KCNE4: variants seen among roughly 807,000 people sequenced by gnomAD.
KCNE4 encodes potassium voltage-gated channel subfamily E member 4.
In KCNE4, 6 loss-of-function variants were observed where a neutral mutation model predicts 9.2. That is an observed-to-expected ratio of 0.65 (90% CI 0.36 to 1.29). The LOEUF is 1.29. Among genes scored for constraint, KCNE4 ranks in the 50% most tolerant of loss-of-function variants. The probability of loss-of-function intolerance (pLI) is 0.03; values close to 1 mark genes in which losing one functional copy is unlikely to be tolerated. For missense variants in KCNE4, 222 were observed against 228.8 expected (o/e 0.97, Z 0.19); for synonymous variants, 115 against 103.2 (o/e 1.11, Z -0.70).
rs1378312535 is a variant in KCNE4 at position 223,055,466 on chromosome 2, C to T, written c.*2123C>T. ...CTTGTCACATTTTCCATTGCTTAAT[C>T]CTGAAGTTTGGTGCAAGTCTCTCTG... On this transcript the variant is annotated 3_prime_UTR_variant, in exon 2 of 2. Transcript: ENST00000281830. The T allele has an allele frequency of 1.0e-4, 17 of 167,028 alleles. No homozygotes were observed. Among genetic ancestry groups the T allele is most frequent in the African/African-American group, 4.1e-4 (17 of 41,428 alleles). 10.3% of individuals were successfully genotyped at this position (167,028 alleles called of 1,614,324 possible). A position where few individuals can be genotyped will look rare whatever the true frequency, so the allele number is the denominator to read the frequency against.
chr2:223,053,081 T>A lies in KCNE4; in HGVS notation c.251T>A (p.Met84Lys). The A allele has an allele frequency of 1.9e-6, 3 of 1,613,970 alleles. No homozygotes were observed. Among genetic ancestry groups the A allele is most frequent in the Non-Finnish European group, 2.5e-6 (3 of 1,179,974 alleles). ...KDEERLWGEA[M>K]KPLPVVSGLR... ...GAGGAGCGGCTCTGGGGGGAGGCCA[T>A]GAAGCCGCTGCCTGTGGTGTCGGGC... The change falls in exon 2 of 2, where the codon ATG becomes AAG. Residue 84 changes from methionine to lysine, a missense_variant. Met to Lys is a moderately conservative substitution (Grantham distance 95). Coordinates refer to ENST00000281830, the MANE Select transcript of KCNE4 (RefSeq NM_080671.4). This position sits in a 1 kb window ranked among gnomAD's most constrained non-coding sequence, Gnocchi z 4.1.
chr2:223,052,804 C>G lies in KCNE4; in HGVS notation c.-23-4C>G, dbSNP rs1559332242. 1 of 1,606,390 alleles carries G rather than the reference C, an allele frequency of 6.2e-7. No homozygotes were observed. Among genetic ancestry groups the G allele is most frequent in the Non-Finnish European group, 8.5e-7 (1 of 1,179,878 alleles). On this transcript the variant is annotated splice_region_variant and splice_polypyrimidine_tract_variant and intron_variant, in intron 1 of 1. Coordinates refer to ENST00000281830, the MANE Select transcript of KCNE4 (RefSeq NM_080671.4). Reference sequence around the variant, plus strand: ...AGAGTTCTAACCTGCGGCTTTTTCCCCAGCCCCTGCTGTGGAGGCAGCCTC... The same window carrying G: ...AGAGTTCTAACCTGCGGCTTTTTCCGCAGCCCCTGCTGTGGAGGCAGCCTC...
rs1344658408 is a variant in KCNE4, at chr2:223,055,096, G to A, written c.*1753G>A. 1.2e-5 allele frequency: 2 copies of A among 160,562 alleles called. No homozygotes were observed. Among genetic ancestry groups the A allele is most frequent in the African/African-American group, 4.9e-5 (2 of 41,138 alleles). 9.9% of individuals were successfully genotyped at this position (160,562 alleles called of 1,614,324 possible). On this transcript the variant is annotated 3_prime_UTR_variant, in exon 2 of 2. Coordinates refer to ENST00000281830, the MANE Select transcript of KCNE4 (RefSeq NM_080671.4). ...TGGTCTCAAACTCCTGGCCTTAAAT[G>A]ATCCTCCCACCTCGGCCTCCCAAAG...
chr2:223,053,436 C>G lies in KCNE4; in HGVS notation c.*93C>G. 1.6e-6 allele frequency: 2 copies of G among 1,289,190 alleles called. No individual in the cohort carries two copies. Among genetic ancestry groups the G allele is most frequent in the Non-Finnish European group, 1.1e-6 (1 of 908,426 alleles). The allele number at this position is 1,289,190 out of a possible 1,614,324, so 79.9% of individuals were successfully genotyped here. ...AGTGTCTGGTTTCACTTTCACAGTG[C>G]GGCTGCCACTTTGAAGAGACCCTTG... On this transcript the variant is annotated 3_prime_UTR_variant, in exon 2 of 2. Transcript: ENST00000281830. The surrounding 1 kb of genome is among the most constrained non-coding windows in gnomAD (Gnocchi z 4.1).
chr2:223,052,981 A>C lies in KCNE4; in HGVS notation c.151A>C (p.Ile51Leu). The change falls in exon 2 of 2, where the codon ATC becomes CTC. Residue 51 changes from isoleucine to leucine, a missense_variant. Physicochemically the swap from Ile to Leu is conservative, Grantham distance 5 (BLOSUM62 2). Transcript: ENST00000281830. ...VVMSFYGIFLIGIMLGYMKSK... is the reference protein window; with the variant it reads ...VVMSFYGIFLLGIMLGYMKSK... ...CATGTCCTTCTACGGCATTTTCTTG[A>C]TCGGAATCATGCTGGGCTACATGAA... The C allele has an allele frequency of 1.2e-6, 2 of 1,614,186 alleles. No homozygotes were observed. The highest frequency in any genetic ancestry group is 1.7e-6 in the Non-Finnish European group (2 of 1,180,020).
intron 1 of KCNE4, among the ~76,000 whole-genome samples, 179 bp downstream of exon 1, chr2:223,052,453 C>G (rs1698707130): frequency 6.6e-6 from 1 of 151,038 alleles, no homozygotes; most frequent in African/African-American, 2.4e-5. Flanking sequence ...TGTTTCTGCT[C>G]AGTTAAAATA....
In KCNE4 at chr2:223,053,575, T is replaced by C; in HGVS notation, c.*232T>C. On this transcript the variant is annotated 3_prime_UTR_variant, in exon 2 of 2. Transcript: ENST00000281830. This position sits in a 1 kb window ranked among gnomAD's most constrained non-coding sequence, Gnocchi z 4.1. The stretch of plus-strand genomic sequence containing the variant: ...CCCACCACTGAAAAAGCCGCGGAGA[T>C]GCGCAGCGCGTACACTGACTTTGGG... The C allele has an allele frequency of 1.7e-6, 1 of 583,320 alleles. No homozygotes were observed. Among genetic ancestry groups the C allele is most frequent in the Non-Finnish European group, 3.2e-6 (1 of 316,800 alleles). The allele number at this position is 583,320 out of a possible 1,614,324, so 36.1% of individuals were successfully genotyped here. A position where few individuals can be genotyped will look rare whatever the true frequency, so the allele number is the denominator to read the frequency against.
In KCNE4 at chr2:223,052,972, A is replaced by G. The variant is rs1559332333; in HGVS notation, c.142A>G (p.Ile48Val). The change falls in exon 2 of 2, where the codon ATT (isoleucine) becomes GTT (valine). Residue 48 changes from isoleucine to valine, a missense_variant. Coordinates refer to ENST00000281830, the MANE Select transcript of KCNE4 (RefSeq NM_080671.4). ...TCTGGTTGTCATGTCCTTCTACGGC[A>G]TTTTCTTGATCGGAATCATGCTGGG... The part of the protein sequence containing the change: ...YILVVMSFYG[I>V]FLIGIMLGYM... 1.9e-6 allele frequency: 3 copies of G among 1,614,162 alleles called. No homozygotes were observed. Among genetic ancestry groups the G allele is most frequent in the Admixed American group, 1.7e-5 (1 of 60,030 alleles).
Position 223,053,166 on chromosome 2 carries a change from G to T in KCNE4, c.336G>T (p.Ala112=), listed in dbSNP as rs748611835. 6.2e-7 allele frequency: 1 copy of T among 1,611,094 alleles called. No homozygotes were observed. The highest frequency in any genetic ancestry group is 8.5e-7 in the Non-Finnish European group (1 of 1,178,034). Residue 112 remains alanine, a synonymous_variant, in exon 2 of 2, where the codon GCG becomes GCT. Coordinates refer to ENST00000281830, the MANE Select transcript of KCNE4 (RefSeq NM_080671.4). This position sits in a 1 kb window ranked among gnomAD's most constrained non-coding sequence, Gnocchi z 4.1. ...LNMLQESVAP[A]LSCTLCSMEG... ...TGCTGCAGGAGAGCGTGGCGCCCGC[G>T]CTGTCCTGCACCCTCTGTTCCATGG...
In KCNE4 at chr2:223,053,301, G is replaced by A. The variant is rs17221840; in HGVS notation, c.471G>A (p.Glu157=). The change falls in exon 2 of 2, where the codon GAG becomes GAA. Residue 157 remains glutamate, a synonymous_variant. Coordinates refer to ENST00000281830, the MANE Select transcript of KCNE4 (RefSeq NM_080671.4). The surrounding 1 kb of genome is among the most constrained non-coding windows in gnomAD (Gnocchi z 4.1). ...LEETSETPLN[E]SSEGSSENIH... Reference sequence around the variant, plus strand: ...AGACCTCGGAGACGCCCCTCAACGAGAGCAGCGAAGGGTCCTCGGAGAACA... The same window carrying A: ...AGACCTCGGAGACGCCCCTCAACGAAAGCAGCGAAGGGTCCTCGGAGAACA... The A allele has an allele frequency of 0.031, 49,353 of 1,613,910 alleles. 915 individuals are homozygous for A. The highest frequency in any genetic ancestry group is 0.035 in the Middle Eastern group (211 of 6,062).
rs1199356397 is a variant in KCNE4 at position 223,054,415 on chromosome 2, G to A, written c.*1072G>A. ...GATCTCCATCCCCAGGGGGTTGGGA[G>A]GATGTCTTTAGATTTTAGGACTCTG... On this transcript the variant is annotated 3_prime_UTR_variant, in exon 2 of 2. Coordinates refer to ENST00000281830, the MANE Select transcript of KCNE4 (RefSeq NM_080671.4). 1 of 167,106 alleles carries A rather than the reference G, an allele frequency of 6.0e-6. No individual in the cohort carries two copies. The highest frequency in any genetic ancestry group is 1.5e-5 in the Non-Finnish European group (1 of 68,126). The allele number at this position is 167,106 out of a possible 1,614,324, so 10.4% of individuals were successfully genotyped here. A position where few individuals can be genotyped will look rare whatever the true frequency, so the allele number is the denominator to read the frequency against.
chr2:223,053,273 A>T lies in KCNE4; in HGVS notation c.443A>T (p.Glu148Val). Residue 148 changes from glutamate to valine, a missense_variant, in exon 2 of 2, where the codon GAG becomes GTG. Transcript: ENST00000281830. This position sits in a 1 kb window ranked among gnomAD's most constrained non-coding sequence, Gnocchi z 4.1. ...IQEEGADDEL[E>V]ETSETPLNES... ...GAGGAGGGGGCAGACGATGAGCTGG[A>T]GGAGACCTCGGAGACGCCCCTCAAC... 6.2e-7 allele frequency: 1 copy of T among 1,613,986 alleles called. No homozygotes were observed. Among genetic ancestry groups the T allele is most frequent in the Non-Finnish European group, 8.5e-7 (1 of 1,180,002 alleles).
chr2:223,052,700 A>G, intron 1 of KCNE4, 108 bp from the exon 2 acceptor site: 1 of 1,251,728 alleles, frequency 8.0e-7, no homozygotes, highest in Non-Finnish European at 1.1e-6. Flanking sequence ...TATTTCTTTC[A>G]TGCACTTTTA....
chr2:223,054,288 G>T lies in KCNE4; in HGVS notation c.*945G>T, dbSNP rs1482643602. 1.2e-5 allele frequency: 2 copies of T among 167,074 alleles called. No individual in the cohort carries two copies. The highest frequency in any genetic ancestry group is 2.9e-5 in the Non-Finnish European group (2 of 68,142). The allele number at this position is 167,074 out of a possible 1,614,324, so 10.3% of individuals were successfully genotyped here. On this transcript the variant is annotated 3_prime_UTR_variant, in exon 2 of 2. Transcript: ENST00000281830. ...TCAGGCGGAGATTGCACAAAGCTGG[G>T]CTCCAAGTTCTGTGCTTCCTGATCC...
At chr2:223,052,571 TAA>T (rs71906281) in intron 1 of KCNE4, among the ~76,000 whole-genome samples, 2 of 131,982 alleles carry the variant, frequency 1.5e-5, no homozygotes. Context: ...ATGTGTACAC[TAA>T]AAAAAAAAAA....
rs1240124697 is a variant in KCNE4, at chr2:223,052,886, G to A, written c.56G>A (p.Ser19Asn). ...CACCCCGGCACCGCCGCCTCCAGCA[G>A]CCCCCTGGAGTCCCGTGCGGCCGGC... ...STHPGTAASS[S>N]PLESRAAGGG... Residue 19 changes from serine to asparagine, a missense_variant, in exon 2 of 2, where the codon AGC becomes AAC. Coordinates refer to ENST00000281830, the MANE Select transcript of KCNE4 (RefSeq NM_080671.4). 6.2e-7 allele frequency: 1 copy of A among 1,613,802 alleles called. No homozygotes were observed. The highest frequency in any genetic ancestry group is 2.2e-5 in the East Asian group (1 of 44,878).
Position 223,052,210 on chromosome 2 carries a change from G to A in KCNE4, c.-88G>A. 8.1e-7 allele frequency: 1 copy of A among 1,233,862 alleles called. No homozygotes were observed. Among genetic ancestry groups the A allele is most frequent in the Non-Finnish European group, 1.0e-6 (1 of 989,238 alleles). The allele number at this position is 1,233,862 out of a possible 1,614,324, so 76.4% of individuals were successfully genotyped here. A position where few individuals can be genotyped will look rare whatever the true frequency, so the allele number is the denominator to read the frequency against. On this transcript the variant is annotated 5_prime_UTR_variant, in exon 1 of 2. Transcript: ENST00000281830. The stretch of plus-strand genomic sequence containing the variant: ...TTGTCAGAGCGCAGAGCCGGACAGA[G>A]CAGAAGAACCCTCTTGGACTGGACG...
Position 223,053,560 on chromosome 2 carries a change from A to G in KCNE4, c.*217A>G. 1 of 603,402 alleles carries G rather than the reference A, an allele frequency of 1.7e-6. No individual in the cohort carries two copies. Among genetic ancestry groups the G allele is most frequent in the Non-Finnish European group, 3.0e-6 (1 of 330,214 alleles). 37.4% of individuals were successfully genotyped at this position (603,402 alleles called of 1,614,324 possible). On this transcript the variant is annotated 3_prime_UTR_variant, in exon 2 of 2. Transcript: ENST00000281830. The surrounding 1 kb of genome is among the most constrained non-coding windows in gnomAD (Gnocchi z 4.1). ...TGCCTGTGGTTTGCACCCACCACTG[A>G]AAAAGCCGCGGAGATGCGCAGCGCG...
rs1698723944 is a variant in KCNE4, at chr2:223,053,294, T to C, written c.464T>C (p.Leu155Pro). The C allele has an allele frequency of 6.2e-7, 1 of 1,613,914 alleles. No homozygotes were observed. Among genetic ancestry groups the C allele is most frequent in the Non-Finnish European group, 8.5e-7 (1 of 1,179,942 alleles). Residue 155 changes from leucine to proline, a missense_variant, in exon 2 of 2, where the codon CTC becomes CCC. Leu to Pro is a moderately conservative substitution (Grantham distance 98). Transcript: ENST00000281830. This position sits in a 1 kb window ranked among gnomAD's most constrained non-coding sequence, Gnocchi z 4.1. ...DELEETSETPLNESSEGSSEN... is the reference protein window; with the variant it reads ...DELEETSETPPNESSEGSSEN... ...CTGGAGGAGACCTCGGAGACGCCCC[T>C]CAACGAGAGCAGCGAAGGGTCCTCG... is the stretch of plus-strand genomic sequence containing the variant.
Sources: allele counts gnomAD v4.1 joint callset (sites outside exome capture counted in the v4.1 genomes callset), GRCh38; gene constraint gnomAD v4.1.1; non-coding constraint Gnocchi (gnomAD v3.1); transcripts MANE v1.5; gene names NCBI Gene and HGNC (gene_info 2026-07-23, HGNC 2026-07-21).